Variants in HHAT observed in about 807,000 individuals in gnomAD.
HHAT encodes protein-cysteine N-palmitoyltransferase HHAT.
In HHAT, 47 loss-of-function variants were observed where a neutral mutation model predicts 70.8. The observed-to-expected ratio is 0.66, with a 90% confidence interval of 0.53 to 0.85. The LOEUF is 0.85. HHAT is among the 40% of genes least tolerant of loss of function. The probability of loss-of-function intolerance (pLI) is 0.00; values close to 1 mark genes in which losing one functional copy is unlikely to be tolerated. For synonymous variants in HHAT, 228 were observed against 247.6 expected, an observed-to-expected ratio of 0.92 and a Z score of 0.74; for missense variants, 609 against 604.8, an observed-to-expected ratio of 1.01 and a Z score of -0.07.
At chr1:210,631,470 C>G (rs1670860901) in intron 11 of HHAT, among the ~76,000 whole-genome samples, 1 of 152,226 alleles carries the variant, frequency 6.6e-6, no homozygotes, top group Non-Finnish European at 1.5e-5. Context: ...TATCCCAAGC[C>G]TGCTCAGTTG....
chr1:210,594,319 T>G (rs1352844696), intron 10 of HHAT, among the ~76,000 whole-genome samples: 1 of 152,194 alleles, frequency 6.6e-6, no homozygotes, highest in African/African-American at 2.4e-5. Context: ...GTATCTGCAG[T>G]GTGTTTTTTG....
rs184278543 is a variant in HHAT, at chr1:210,543,948, T to C, written c.1043+30760T>C. ...CCACCTTCCACATAATCTAGATAGCTGAAGCAGTTCTTGGTCCCAGAACAC... is the reference window on the plus strand; with the variant it reads ...CCACCTTCCACATAATCTAGATAGCCGAAGCAGTTCTTGGTCCCAGAACAC... On this transcript the variant is annotated intron_variant, in intron 9 of 11. Transcript: ENST00000261458. 3.9e-5 allele frequency among the ~76,000 whole-genome samples: 6 copies of C among 152,324 alleles called. No homozygotes were observed. The East Asian group carries it at 1.2e-3, about 29-fold the overall frequency.
At chr1:210,620,796 AAATTG>A (rs1413224789) in intron 10 of HHAT, among the ~76,000 whole-genome samples, 1 of 152,128 alleles carries the variant, frequency 6.6e-6, no homozygotes, top group African/African-American at 2.4e-5. Flanking sequence ...AACATTTATA[AAATTG>A]AATTGTAGTC....
chr1:210,452,026 A>T (rs527242481), intron 7 of HHAT, among the ~76,000 whole-genome samples: 2 of 152,352 alleles, frequency 1.3e-5, no homozygotes, highest in South Asian at 4.1e-4. Context: ...TTATTATCCC[A>T]GAAGGTGTTT....
intron 8 of HHAT, among the ~76,000 whole-genome samples, chr1:210,511,385 T>G (rs1424241421): frequency 6.6e-6 from 1 of 152,230 alleles, no homozygotes; most frequent in Non-Finnish European, 1.5e-5. Context: ...TTCTCACCTA[T>G]GCTGTGTCCA....
intron 2 of HHAT, 95 bp from the exon 3 acceptor site, chr1:210,362,757 C>T (rs2088482926): frequency 1.0e-6 from 1 of 1,002,032 alleles, no homozygotes; most frequent in Non-Finnish European, 1.6e-6. Flanking sequence ...GCTGCTTTTC[C>T]AGGACATAGT....
At chr1:210,426,264 C>T (rs777239427) in intron 7 of HHAT, among the ~76,000 whole-genome samples, 5 of 152,016 alleles carry the variant, frequency 3.3e-5, no homozygotes, top group Non-Finnish European at 7.4e-5. Context: ...GGCATTTTCT[C>T]AACATCGATA....
intron 11 of HHAT, among the ~76,000 whole-genome samples, chr1:210,628,114 A>T (rs182087205): frequency 2.0e-5 from 3 of 152,260 alleles, no homozygotes; most frequent in Admixed American, 2.0e-4. Flanking sequence ...GTCCCCATAA[A>T]CCAGCTGTGA....
At chr1:210,540,265 A>G (rs1261219143) in intron 9 of HHAT, among the ~76,000 whole-genome samples, 1 of 152,228 alleles carries the variant, frequency 6.6e-6, no homozygotes, top group African/African-American at 2.4e-5. Flanking sequence ...ATGTTCCGCA[A>G]CAGCTTTTCT....
At chr1:210,570,887 C>T (rs1163925485) in intron 9 of HHAT, among the ~76,000 whole-genome samples, 1 of 152,122 alleles carries the variant, frequency 6.6e-6, no homozygotes, top group Non-Finnish European at 1.5e-5. Context: ...CCTGATCAGT[C>T]CAGCCCATTC....
At chr1:210,493,658 T>G (rs1572823614) in intron 8 of HHAT, among the ~76,000 whole-genome samples, 1 of 152,264 alleles carries the variant, frequency 6.6e-6, no homozygotes, top group East Asian at 1.9e-4. Context: ...AATACAAATT[T>G]GGGAGTCTTG....
intron 10 of HHAT, among the ~76,000 whole-genome samples, chr1:210,604,604 A>G (rs778609676): frequency 3.3e-5 from 5 of 152,112 alleles, no homozygotes; most frequent in Non-Finnish European, 5.9e-5. Context: ...TATATTTTCA[A>G]CTTTTGCTAC....
At chr1:210,461,563 A>G (rs1211319844) in intron 7 of HHAT, among the ~76,000 whole-genome samples, 2 of 151,986 alleles carry the variant, frequency 1.3e-5, no homozygotes, top group Non-Finnish European at 2.9e-5. Flanking sequence ...CAGCCTCCCA[A>G]AGTGCTGGGA....
chr1:210,442,341 T>C (rs1215780876), intron 7 of HHAT, among the ~76,000 whole-genome samples: 1 of 138,566 alleles, frequency 7.2e-6, no homozygotes, highest in African/African-American at 2.7e-5. Context: ...AGCAGCATGA[T>C]TTATAGTCCT....
At chr1:210,629,523 A>G (rs1227893214) in intron 11 of HHAT, among the ~76,000 whole-genome samples, 1 of 152,244 alleles carries the variant, frequency 6.6e-6, no homozygotes, top group African/African-American at 2.4e-5. Flanking sequence ...AAGTTATTAC[A>G]AACTTGTTGG....
At chr1:210,370,198 C>A (rs1432444422) in intron 3 of HHAT, among the ~76,000 whole-genome samples, 1 of 132,452 alleles carries the variant, frequency 7.5e-6, no homozygotes, top group Non-Finnish European at 1.5e-5. Flanking sequence ...TTCCTGAATG[C>A]AGAGTCTCAC....
intron 8 of HHAT, among the ~76,000 whole-genome samples, chr1:210,480,184 C>T (rs2094371906): frequency 6.6e-6 from 1 of 152,138 alleles, no homozygotes; most frequent in African/African-American, 2.4e-5. Context: ...AAGGTGTAGT[C>T]ACCCTCCAGG....
chr1:210,379,306 C>A (rs1432235160), intron 3 of HHAT, among the ~76,000 whole-genome samples: 1 of 152,214 alleles, frequency 6.6e-6, no homozygotes, highest in East Asian at 1.9e-4. Flanking sequence ...TGTATTTGTT[C>A]ATGAGAAGCT....
chr1:210,529,620 CA>C (rs1436128703), intron 9 of HHAT, among the ~76,000 whole-genome samples: 1 of 152,178 alleles, frequency 6.6e-6, no homozygotes, highest in Non-Finnish European at 1.5e-5. Context: ...CCCAGCTTCT[CA>C]GGGACATCAA....
Sources: gnomAD v4.1 joint callset for allele counts (sites outside exome capture counted in the v4.1 genomes callset) on GRCh38, gnomAD v4.1.1 for gene constraint, MANE v1.5 for transcripts, NCBI Gene and HGNC (gene_info 2026-07-23, HGNC 2026-07-21) for gene names.